FHIT: variants seen among roughly 807,000 people sequenced by gnomAD.
FHIT encodes bis(5'-adenosyl)-triphosphatase.
In FHIT, 19 loss-of-function variants were observed where a neutral mutation model predicts 17.9. The observed-to-expected ratio is 1.06, with a 90% confidence interval of 0.74 to 1.56. The LOEUF (loss-of-function observed/expected upper bound fraction) is 1.56. FHIT is among the 40% of genes most tolerant of loss of function. The pLI, the probability that FHIT is intolerant of heterozygous loss-of-function variation, is 0.00. For missense variants in FHIT, 248 were observed against 189.2 expected (o/e 1.31, Z -1.82); for synonymous variants, 81 against 69.7 (o/e 1.16, Z -0.81).
chr3:60,956,625 C>T (rs41347853), intron 3 of FHIT, among the ~76,000 whole-genome samples: 35,703 of 151,944 alleles, frequency 0.23, 4,390 homozygotes, highest in South Asian at 0.31. Flanking sequence ...CTGTCTACAC[C>T]GGGTTTAATC....
chr3:60,814,415 G>C (rs1006349436), intron 4 of FHIT, among the ~76,000 whole-genome samples: 1 of 151,978 alleles, frequency 6.6e-6, no homozygotes, highest in Admixed American at 6.6e-5. Context: ...ACGTCCACAC[G>C]TACCCAAAGT....
At chr3:60,872,587 A>G (rs782596180) in intron 3 of FHIT, among the ~76,000 whole-genome samples, 2 of 152,132 alleles carry the variant, frequency 1.3e-5, no homozygotes, top group Non-Finnish European at 2.9e-5. Context: ...ACAGAAAATT[A>G]TGCCTCAAAA....
At chr3:60,732,684 C>CTTTTTTT (rs3038041) in intron 4 of FHIT, 13,260 of 178,026 alleles carry the variant, frequency 0.074, 902 homozygotes, top group Non-Finnish European at 0.093. Flanking sequence ...GCAAAGACTG[C>CTTTTTTT]TTTTTTTTTT....
intron 4 of FHIT, chr3:60,596,169 A>G: frequency 3.0e-6 from 1 of 332,480 alleles, no homozygotes; most frequent in Non-Finnish European, 4.3e-6. Context: ...TAATTAACCA[A>G]AAAAGTTCTT....
intron 4 of FHIT, among the ~76,000 whole-genome samples, chr3:60,626,561 T>G (rs2039292786): frequency 6.6e-6 from 1 of 152,180 alleles, no homozygotes; most frequent in Non-Finnish European, 1.5e-5. Context: ...TCTTGTATCC[T>G]AAAAACTTGC....
chr3:60,918,118 C>A lies in FHIT; in HGVS notation c.-110-96107G>T, dbSNP rs567362538. On this transcript the variant is annotated intron_variant, in intron 3 of 9. Coordinates refer to ENST00000492590, the MANE Select transcript of FHIT (RefSeq NM_002012.4). ...TTTGATGGTTTTATAAATGGGAGTTCCCCTGCGCAAGCTCTCTTGCCTGCA... is the reference window on the plus strand; with the variant it reads ...TTTGATGGTTTTATAAATGGGAGTTACCCTGCGCAAGCTCTCTTGCCTGCA... Among the ~76,000 whole-genome samples the A allele has an allele frequency of 5.3e-5, 8 of 152,302 alleles. 1 individual carries two copies. The highest frequency in any genetic ancestry group is 5.2e-4 in the Admixed American group (8 of 15,300).
At chr3:61,078,241 T>C (rs919172888) in intron 2 of FHIT, among the ~76,000 whole-genome samples, 2 of 152,178 alleles carry the variant, frequency 1.3e-5, no homozygotes, top group Non-Finnish European at 2.9e-5. Flanking sequence ...ACTTGATATA[T>C]GTGTCTGACA....
intron 5 of FHIT, among the ~76,000 whole-genome samples, chr3:60,135,249 T>C (rs1288414460): frequency 2.0e-5 from 3 of 152,226 alleles, no homozygotes; most frequent in Middle Eastern, 3.4e-3. Context: ...CACCCAGGGC[T>C]GAGGTGGTAC....
At chr3:60,730,899 G>A (rs1332303283) in intron 4 of FHIT, among the ~76,000 whole-genome samples, 2 of 150,750 alleles carry the variant, frequency 1.3e-5, no homozygotes, top group Non-Finnish European at 2.9e-5. Context: ...GGTGGATCAC[G>A]AGGTCAGGAG....
intron 7 of FHIT, among the ~76,000 whole-genome samples, chr3:59,972,706 C>T (rs148443257): frequency 2.6e-5 from 4 of 152,252 alleles, no homozygotes; most frequent in South Asian, 2.1e-4. Context: ...TGCTCTGCTC[C>T]TGCAAGTGGC....
intron 2 of FHIT, among the ~76,000 whole-genome samples, chr3:61,063,213 G>A (rs560885868): frequency 8.0e-5 from 11 of 136,714 alleles, no homozygotes; most frequent in South Asian, 2.3e-4. Context: ...CTGAGACCGC[G>A]CCACTGCACT....
chr3:60,611,930 C>T (rs781974609), intron 4 of FHIT, among the ~76,000 whole-genome samples: 12 of 152,226 alleles, frequency 7.9e-5, no homozygotes, highest in Non-Finnish European at 1.5e-4. Context: ...TCATGTAGGG[C>T]CCCCTTACTT....
chr3:61,201,981 C>T (rs900558754), intron 1 of FHIT, among the ~76,000 whole-genome samples: 2 of 151,580 alleles, frequency 1.3e-5, no homozygotes, highest in African/African-American at 4.9e-5. Flanking sequence ...TATGTATATA[C>T]ATATGTGCAT....
intron 1 of FHIT, among the ~76,000 whole-genome samples, chr3:61,234,411 G>A (rs2040179623): frequency 6.6e-6 from 1 of 152,096 alleles, no homozygotes; most frequent in Non-Finnish European, 1.5e-5. Flanking sequence ...TTCTAACAGT[G>A]GAATACTCTG....
intron 5 of FHIT, among the ~76,000 whole-genome samples, chr3:60,306,343 T>C (rs1435716066): frequency 6.6e-6 from 1 of 152,170 alleles, no homozygotes; most frequent in Non-Finnish European, 1.5e-5. Flanking sequence ...CTGGTGACTT[T>C]AGTCCCAATT....
chr3:59,817,145 A>G (rs901853695), intron 8 of FHIT, among the ~76,000 whole-genome samples: 4 of 152,192 alleles, frequency 2.6e-5, no homozygotes, highest in African/African-American at 9.6e-5. Context: ...CTAAATTACC[A>G]TCTATAAGAT....
At chr3:60,465,557 G>C (rs1032505103) in intron 5 of FHIT, among the ~76,000 whole-genome samples, 3 of 151,974 alleles carry the variant, frequency 2.0e-5, no homozygotes, top group Non-Finnish European at 4.4e-5. Flanking sequence ...ATTTTGATTT[G>C]ATTTTTGTAT....
chr3:61,140,036 A>AAT (rs1553852125), intron 2 of FHIT, among the ~76,000 whole-genome samples: 5 of 151,740 alleles, frequency 3.3e-5, no homozygotes, highest in African/African-American at 1.2e-4. Flanking sequence ...AAAAAAAAAA[A>AAT]AATAAGAAAC....
chr3:60,947,881 GA>G (rs1368390101), intron 3 of FHIT, among the ~76,000 whole-genome samples: 3 of 152,122 alleles, frequency 2.0e-5, no homozygotes, highest in Non-Finnish European at 4.4e-5. Flanking sequence ...GGAAATAAAG[GA>G]AAAGTAAAGC....
Sources: allele counts gnomAD v4.1 joint callset (sites outside exome capture counted in the v4.1 genomes callset), GRCh38; gene constraint gnomAD v4.1.1; transcripts MANE v1.5; gene names NCBI Gene and HGNC (gene_info 2026-07-23, HGNC 2026-07-21).